The following COL27A1 variants were observed in gnomAD, a reference collection of about 807,000 sequenced individuals.
The protein encoded by COL27A1 is collagen type XXVII alpha 1 chain, also known as collagen alpha-1(XXVII) chain.
In COL27A1, 106 loss-of-function variants were observed where a neutral mutation model predicts 251.3. The observed-to-expected ratio is 0.42, with a 90% CI of 0.36 to 0.50. The LOEUF is 0.50. Among genes scored for constraint, COL27A1 ranks in the 20% least tolerant of loss-of-function variants. COL27A1 has a pLI of 0.00. For missense variants in COL27A1, 2,325 were observed against 2,522.8 expected (o/e 0.92, Z 1.68); for synonymous variants, 1,000 against 986.3 (o/e 1.01, Z -0.26).
intron 11 of COL27A1, 144 bp downstream of exon 11, chr9:114,209,872 C>T (rs370632864): frequency 4.6e-4 from 335 of 734,218 alleles, no homozygotes; most frequent in Non-Finnish European, 7.3e-4. Context: ...GATAAGGGGA[C>T]AAGTCAAGGC....
At chr9:114,178,434 C>A in intron 4 of COL27A1, 90 bp downstream of exon 4, 1 of 1,195,552 alleles carries the variant, frequency 8.4e-7, no homozygotes, top group Non-Finnish European at 1.2e-6. Flanking sequence ...GCTGTGTGTC[C>A]TCAGGTTCTT....
intron 34 of COL27A1, 132 bp from the exon 35 acceptor site, chr9:114,269,109 C>G (rs1406445361): frequency 1.8e-6 from 1 of 559,716 alleles, no homozygotes; most frequent in East Asian, 3.1e-5. Flanking sequence ...TCTCTGTGGT[C>G]CCTGGGAAGA....
chr9:114,270,486 G>A (rs568242628), intron 35 of COL27A1, among the ~76,000 whole-genome samples: 2 of 152,314 alleles, frequency 1.3e-5, no homozygotes, highest in East Asian at 1.9e-4. Flanking sequence ...GGGAGCTGTC[G>A]GTAGCTTGGG....
At chr9:114,239,475 G>T (rs919813752) in intron 19 of COL27A1, among the ~76,000 whole-genome samples, 4 of 152,228 alleles carry the variant, frequency 2.6e-5, no homozygotes, top group Non-Finnish European at 4.4e-5. Context: ...GGTCACACAG[G>T]AGGAGGGCAG....
intron 28 of COL27A1, among the ~76,000 whole-genome samples, chr9:114,262,938 A>ATTTT (rs386415960): frequency 0.71 from 89,908 of 126,842 alleles, 32,484 homozygotes; most frequent in Admixed American, 0.74. Flanking sequence ...TCCTTGTTTG[A>ATTTT]TTTTTTTTTT....
At position 114,302,726 on chromosome 9, in the gene COL27A1, CAAAA is replaced by C. The variant is rs60188308; in HGVS notation, c.4872+630_4872+633del. ...CTGTCTCAAAAAGAAACAAAAAAAACAAAAAAAAAAAAAAACAAAGAGAGTCGGG... is the reference window on the plus strand; with the variant it reads ...CTGTCTCAAAAAGAAACAAAAAAAACAAAAAAAAAAACAAAGAGAGTCGGG... On this transcript the variant is annotated intron_variant, in intron 56 of 60. Transcript: ENST00000356083. Among the ~76,000 whole-genome samples the C allele has an allele frequency of 2.0e-3, 278 of 139,214 alleles. 2 individuals carry two copies. The highest frequency in any genetic ancestry group is 6.8e-3 in the African/African-American group (253 of 37,218). The allele number at this position is 139,214 out of a possible 152,430, so 91.3% of individuals were successfully genotyped here.
chr9:114,206,940 T>C (rs931475009), intron 10 of COL27A1, among the ~76,000 whole-genome samples: 3 of 152,216 alleles, frequency 2.0e-5, no homozygotes, highest in Non-Finnish European at 4.4e-5. Context: ...CAGAGAGGGT[T>C]CTGGGTGGAC....
In COL27A1 at chr9:114,156,596, G is replaced by A. The variant is rs576300481; in HGVS notation, c.62+584G>A. 4.8e-4 allele frequency among the ~76,000 whole-genome samples: 73 copies of A among 152,158 alleles called. 3 individuals carry two copies. In the Middle Eastern group the frequency reaches 0.051, roughly 106 times the overall value. On this transcript the variant is annotated intron_variant, in intron 1 of 60. Transcript: ENST00000356083. ...GTGTGTCTGTGTTTCCTGCTTCTCG[G>A]TTCCTGTCCCTTTCACGTGTGTAAG...
chr9:114,300,414 C>T, intron 50 of COL27A1: 1 of 581,874 alleles, frequency 1.7e-6, no homozygotes, highest in Non-Finnish European at 3.0e-6. Flanking sequence ...AAAATAAAGA[C>T]CAGGGGCATA....
At chr9:114,216,843 A>T (rs1301483735) in intron 12 of COL27A1, among the ~76,000 whole-genome samples, 1 of 152,108 alleles carries the variant, frequency 6.6e-6, no homozygotes, top group Admixed American at 6.5e-5. Flanking sequence ...CCTCAGCATC[A>T]ATCATGCCAT....
intron 5 of COL27A1, among the ~76,000 whole-genome samples, chr9:114,191,346 G>T (rs1049957131): frequency 1.3e-5 from 2 of 151,958 alleles, no homozygotes; most frequent in African/African-American, 4.8e-5. Flanking sequence ...GTGGTTTGTT[G>T]CACCTATCAA....
chr9:114,204,812 G>T (rs546552782), intron 7 of COL27A1, among the ~76,000 whole-genome samples: 1 of 152,192 alleles, frequency 6.6e-6, no homozygotes, highest in East Asian at 1.9e-4. Flanking sequence ...ACCATCTCTT[G>T]GTCACAGTTG....
At chr9:114,305,756 C>T (rs1045869774) in intron 57 of COL27A1, among the ~76,000 whole-genome samples, 3 of 152,148 alleles carry the variant, frequency 2.0e-5, no homozygotes, top group Admixed American at 6.5e-5. Flanking sequence ...ACTTCCATCC[C>T]GTTGGCTAGA....
At chr9:114,301,006 C>A (rs1025425841) in intron 51 of COL27A1, 66 bp from the exon 52 acceptor site, 1 of 1,503,806 alleles carries the variant, frequency 6.6e-7, no homozygotes, top group South Asian at 1.3e-5. Flanking sequence ...TGCCCTCCAC[C>A]CCGCTCCCCG....
chr9:114,310,875 C>A lies in COL27A1; in HGVS notation c.*180C>A. 1 of 579,588 alleles carries A rather than the reference C, an allele frequency of 1.7e-6. No homozygotes were observed. Among genetic ancestry groups the A allele is most frequent in the South Asian group, 2.5e-5 (1 of 39,638 alleles). 35.9% of individuals were successfully genotyped at this position (579,588 alleles called of 1,614,324 possible). On this transcript the variant is annotated 3_prime_UTR_variant, in exon 61 of 61. Coordinates refer to ENST00000356083, the MANE Select transcript of COL27A1 (RefSeq NM_032888.4). ...TGGGGGTAGGAGGGGATAGGGTGTC[C>A]TTGGGAACAATGGATCCCAGCTTAG...
In COL27A1 at chr9:114,301,205, A is replaced by G. The variant is rs1828602086; in HGVS notation, c.4756-79A>G. ...CAGATTGTCTCTGTGACTCAGTGCC[A>G]GTCTGAGCCTCAGTTTCCTCATCTG... On this transcript the variant is annotated intron_variant, in intron 52 of 60. Transcript: ENST00000356083. 3.1e-6 allele frequency: 5 copies of G among 1,609,658 alleles called. No homozygotes were observed. The Admixed American group carries it at 8.4e-5, about 27-fold the overall frequency.
chr9:114,165,963 A>G (rs1415426265), intron 2 of COL27A1, among the ~76,000 whole-genome samples: 1 of 150,550 alleles, frequency 6.6e-6, no homozygotes, highest in Non-Finnish European at 1.5e-5. Flanking sequence ...CCATCCATCC[A>G]TCCATCCATC....
At chr9:114,176,474 A>G (rs1433785356) in intron 3 of COL27A1, among the ~76,000 whole-genome samples, 5 of 151,444 alleles carry the variant, frequency 3.3e-5, no homozygotes, top group African/African-American at 1.2e-4. Context: ...CTCATTTTAC[A>G]GTAATAGAAA....
chr9:114,243,748 T>C (rs1311888461), intron 23 of COL27A1, among the ~76,000 whole-genome samples, 188 bp downstream of exon 23: 1 of 151,928 alleles, frequency 6.6e-6, no homozygotes, highest in African/African-American at 2.4e-5. Context: ...TGTGGGGGAT[T>C]GTTCAAGTAG....
Sources: gnomAD v4.1 joint callset for allele counts (sites outside exome capture counted in the v4.1 genomes callset) on GRCh38, gnomAD v4.1.1 for gene constraint, MANE v1.5 for transcripts, NCBI Gene and HGNC (gene_info 2026-07-23, HGNC 2026-07-21) for gene names.